Variants in MASTL observed in about 807,000 individuals in gnomAD.
MASTL encodes the protein serine/threonine-protein kinase greatwall.
In MASTL, 54 loss-of-function variants were observed where a neutral mutation model predicts 82.5. The observed-to-expected ratio is 0.65, with a 90% CI of 0.53 to 0.82. The LOEUF (loss-of-function observed/expected upper bound fraction) is 0.82. MASTL is among the 40% of genes least tolerant of loss of function. MASTL has a pLI of 0.00. For missense variants in MASTL, 950 were observed against 1,047.8 expected (o/e 0.91, Z 1.29); for synonymous variants, 323 against 368.9 (o/e 0.88, Z 1.43).
intron 4 of MASTL, among the ~76,000 whole-genome samples, chr10:27,163,305 C>T (rs979930865): frequency 9.9e-5 from 15 of 152,202 alleles, no homozygotes; most frequent in African/African-American, 3.6e-4. Context: ...AGTATATTTA[C>T]CACATTACTT....
chr10:27,181,840 C>A (rs558139528), intron 11 of MASTL, among the ~76,000 whole-genome samples: 1 of 152,044 alleles, frequency 6.6e-6, no homozygotes, highest in Admixed American at 6.6e-5. Context: ...TCTGGTAGGC[C>A]GAGGCAGGCG....
rs1196724329 is a variant in MASTL, at chr10:27,165,168, T to G, written c.658T>G (p.Phe220Val). Residue 220 changes from phenylalanine to valine, a missense_variant and splice_region_variant, in exon 5 of 12, where the codon TTT becomes GTT. Coordinates refer to ENST00000375940, the MANE Select transcript of MASTL (RefSeq NM_001172303.3). ...GTTATCGCTTATCAGCTCGTTGGGA[T>G]TTGTAAGTACTTGAGAAGAAAATTA... The part of the protein sequence containing the change: ...QVLSLISSLG[F>V]NTPIAEKNQD... 12 of 1,605,332 alleles carry G rather than the reference T, an allele frequency of 7.5e-6. No individual in the cohort carries two copies. Among genetic ancestry groups the G allele is most frequent in the Non-Finnish European group, 1.0e-5 (12 of 1,172,150 alleles).
chr10:27,156,743 C>T (rs988764557), intron 1 of MASTL, among the ~76,000 whole-genome samples: 1 of 151,562 alleles, frequency 6.6e-6, no homozygotes, highest in African/African-American at 2.4e-5. Context: ...TGGTCTGGAG[C>T]TCCTGACCTC....
intron 9 of MASTL, 27 bp downstream of exon 9, chr10:27,173,286 G>A: frequency 6.2e-7 from 1 of 1,613,738 alleles, no homozygotes; most frequent in South Asian, 1.1e-5. Flanking sequence ...TTGAGTTTTT[G>A]AAGTGTTATC....
chr10:27,163,457 G>A (rs11818842), intron 4 of MASTL, among the ~76,000 whole-genome samples: 2,194 of 152,082 alleles, frequency 0.014, 19 homozygotes, highest in Non-Finnish European at 0.022. Context: ...AGATAAAATT[G>A]TTGATAAATT....
In MASTL at chr10:27,186,410, G is replaced by A; in HGVS notation, c.2514G>A (p.Val838=). The stretch of plus-strand genomic sequence containing the variant: ...AACGTCATCCTCTCTTCAGTGATGT[G>A]GACTGGGAAAATCTGCAGCATCAGA... ...ELKRHPLFSD[V]DWENLQHQTM... Residue 838 remains valine, a synonymous_variant, in exon 12 of 12, where the codon GTG becomes GTA. Transcript: ENST00000375940. The A allele has an allele frequency of 6.2e-7, 1 of 1,613,998 alleles. No individual in the cohort carries two copies. Among genetic ancestry groups the A allele is most frequent in the Non-Finnish European group, 8.5e-7 (1 of 1,179,956 alleles).
chr10:27,173,374 A>G, intron 9 of MASTL, 115 bp downstream of exon 9: 4 of 1,141,114 alleles, frequency 3.5e-6, no homozygotes, highest in Non-Finnish European at 5.2e-6. Flanking sequence ...AAAGAAAATG[A>G]ACTCATCTAG....
rs762618165 is a variant in MASTL at position 27,187,399 on chromosome 10, A to G, written c.*863A>G. On this transcript the variant is annotated 3_prime_UTR_variant, in exon 12 of 12. Transcript: ENST00000375940. ...AAGGCTTTCACTTACTTTACTAATGATACGGTTTTGCCACCTTAATTTCTA... is the reference window on the plus strand; with the variant it reads ...AAGGCTTTCACTTACTTTACTAATGGTACGGTTTTGCCACCTTAATTTCTA... 6.6e-6 allele frequency among the ~76,000 whole-genome samples: 1 copy of G among 152,264 alleles called. No individual in the cohort carries two copies. The highest frequency in any genetic ancestry group is 1.5e-5 in the Non-Finnish European group (1 of 68,048).
intron 4 of MASTL, among the ~76,000 whole-genome samples, chr10:27,164,824 G>A (rs1453893381): frequency 1.3e-5 from 2 of 151,790 alleles, no homozygotes; most frequent in Admixed American, 6.6e-5. Flanking sequence ...TTTTAGTAGA[G>A]ACAGTGTTTC....
intron 4 of MASTL, 112 bp from the exon 5 acceptor site, chr10:27,164,952 T>C: frequency 2.7e-6 from 2 of 752,764 alleles, no homozygotes; most frequent in Non-Finnish European, 4.6e-6. Context: ...TCTCCTTTTT[T>C]AACATTTGGT....
Position 27,173,267 on chromosome 10 carries a change from AT to A in MASTL, c.2266+9del. ...TACTAGGCAGGGCCCATGGTAAGGC[AT>A]GCATGTCTTGAGTTTTTGAAGTGTT... On this transcript the variant is annotated intron_variant, in intron 9 of 11. Coordinates refer to ENST00000375940, the MANE Select transcript of MASTL (RefSeq NM_001172303.3). 6.2e-7 allele frequency: 1 copy of A among 1,614,084 alleles called. No homozygotes were observed. The highest frequency in any genetic ancestry group is 8.5e-7 in the Non-Finnish European group (1 of 1,179,972).
intron 11 of MASTL, among the ~76,000 whole-genome samples, chr10:27,185,992 G>C (rs2058711590): frequency 6.6e-6 from 1 of 152,148 alleles, no homozygotes; most frequent in Non-Finnish European, 1.5e-5. Flanking sequence ...GGGAGGCTGA[G>C]GTAGGAGAAT....
Position 27,155,388 on chromosome 10 carries a change from A to G in MASTL, c.-39A>G. 2 of 1,555,232 alleles carry G rather than the reference A, an allele frequency of 1.3e-6. No individual in the cohort carries two copies. Among genetic ancestry groups the G allele is most frequent in the Non-Finnish European group, 1.7e-6 (2 of 1,150,678 alleles). On this transcript the variant is annotated 5_prime_UTR_variant, in exon 1 of 12. Coordinates refer to ENST00000375940, the MANE Select transcript of MASTL (RefSeq NM_001172303.3). Reference sequence around the variant, plus strand: ...AGTTGGCGGGAGTGGCTGCTCGCGGAGGGGCAGTGTCTGCGGGGCCGCTGT... The same window carrying G: ...AGTTGGCGGGAGTGGCTGCTCGCGGGGGGGCAGTGTCTGCGGGGCCGCTGT...
intron 1 of MASTL, among the ~76,000 whole-genome samples, chr10:27,157,339 A>G (rs1357453098): frequency 6.6e-6 from 1 of 152,162 alleles, no homozygotes; most frequent in African/African-American, 2.4e-5. Context: ...TTCAGTCAGT[A>G]TTTGCTTAGC....
intron 11 of MASTL, 101 bp from the exon 12 acceptor site, chr10:27,186,278 G>C (rs1032729740): frequency 1.7e-6 from 2 of 1,184,526 alleles, no homozygotes; most frequent in East Asian, 4.8e-5. Flanking sequence ...ATAAAGTAAG[G>C]TAAGTTATAT....
intron 9 of MASTL, among the ~76,000 whole-genome samples, chr10:27,174,893 G>GAC (rs996824523): frequency 6.6e-6 from 1 of 151,960 alleles, no homozygotes; most frequent in Non-Finnish European, 1.5e-5. Context: ...TTTTGGGAGG[G>GAC]ACACAGTTCA....
intron 9 of MASTL, 22 bp downstream of exon 9, chr10:27,173,281 T>G: frequency 6.2e-7 from 1 of 1,613,790 alleles, no homozygotes; most frequent in Non-Finnish European, 8.5e-7. Flanking sequence ...ATGTCTTGAG[T>G]TTTTGAAGTG....
intron 11 of MASTL, among the ~76,000 whole-genome samples, chr10:27,183,330 A>G (rs2058436137): frequency 6.6e-6 from 1 of 152,074 alleles, no homozygotes; most frequent in Admixed American, 6.6e-5. Context: ...ACCAGGCTGC[A>G]GTGCATGCAG....
intron 11 of MASTL, among the ~76,000 whole-genome samples, chr10:27,182,680 C>A (rs2136197456): frequency 6.6e-6 from 1 of 152,008 alleles, no homozygotes. Flanking sequence ...GAGGTCGAGG[C>A]TACAGCGAGC....
Sources: gnomAD v4.1 joint callset for allele counts (sites outside exome capture counted in the v4.1 genomes callset) on GRCh38, gnomAD v4.1.1 for gene constraint, MANE v1.5 for transcripts, NCBI Gene and HGNC (gene_info 2026-07-23, HGNC 2026-07-21) for gene names.